TACR1: variants seen among roughly 807,000 people sequenced by gnomAD.
TACR1 encodes the protein tachykinin receptor 1.
A neutral mutation model predicts 35.8 loss-of-function variants in TACR1; 25 were observed. The ratio of observed to expected loss-of-function variants is 0.70; its 90% CI spans 0.51 to 0.98. The LOEUF (loss-of-function observed/expected upper bound fraction) is 0.98. TACR1 is among the 50% of genes least tolerant of loss of function. The pLI, the probability that TACR1 is intolerant of heterozygous loss-of-function variation, is 0.00. For synonymous variants in TACR1, 195 were observed against 206.7 expected, an observed-to-expected ratio of 0.94 and a Z score of 0.48; for missense variants, 478 against 522.9, an observed-to-expected ratio of 0.91 and a Z score of 0.84.
chr2:75,132,546 T>C (rs1014255095), intron 1 of TACR1, among the ~76,000 whole-genome samples: 1 of 152,242 alleles, frequency 6.6e-6, no homozygotes, highest in African/African-American at 2.4e-5. Context: ...ATAATAAACA[T>C]AATTTATATT....
chr2:75,113,532 CTTTT>C (rs11437762), intron 2 of TACR1, among the ~76,000 whole-genome samples: 65 of 92,076 alleles, frequency 7.1e-4, no homozygotes, highest in Admixed American at 3.2e-3. Context: ...TTTCTTCTTC[CTTTT>C]TTTTTTTTTT....
intron 1 of TACR1, chr2:75,188,248 A>G (rs1030064976): frequency 6.6e-6 from 1 of 152,172 alleles, no homozygotes; most frequent in Non-Finnish European, 1.5e-5. Context: ...GAGTCAGACA[A>G]ATTCTTTTAT....
At chr2:75,120,013 C>T (rs1052297657) in intron 2 of TACR1, among the ~76,000 whole-genome samples, 2 of 152,134 alleles carry the variant, frequency 1.3e-5, no homozygotes, top group African/African-American at 2.4e-5. Context: ...GAGACACACT[C>T]CCCTGAGGGG....
intron 2 of TACR1, among the ~76,000 whole-genome samples, chr2:75,079,229 C>G (rs1039778319): frequency 6.6e-6 from 1 of 152,194 alleles, no homozygotes; most frequent in African/African-American, 2.4e-5. Context: ...GCTTTTCACT[C>G]TCTCTTTCAT....
At chr2:75,152,345 C>A (rs1190492545) in intron 1 of TACR1, among the ~76,000 whole-genome samples, 1 of 152,138 alleles carries the variant, frequency 6.6e-6, no homozygotes, top group Non-Finnish European at 1.5e-5. Flanking sequence ...GTAATTGAAT[C>A]ATGGGGGCCA....
chr2:75,154,406 G>GCT (rs1264139655), intron 1 of TACR1: 1 of 78,514 alleles, frequency 1.3e-5, no homozygotes, highest in Non-Finnish European at 2.5e-5. Flanking sequence ...CCAAGAGCGC[G>GCT]CACGCACACA....
At position 75,117,333 on chromosome 2, in the gene TACR1, G is replaced by GGT; in HGVS notation, c.584+3240_584+3241insAC. 1.3e-5 allele frequency among the ~76,000 whole-genome samples: 2 copies of GGT among 152,200 alleles called. 1 individual carries two copies. The highest frequency in any genetic ancestry group is 4.1e-4 in the South Asian group (2 of 4,828). On this transcript the variant is annotated intron_variant, in intron 2 of 4. Coordinates refer to ENST00000305249, the MANE Select transcript of TACR1 (RefSeq NM_001058.4). Reference sequence around the variant, plus strand: ...TTGAAGGTCCACCATACAGCCAGAAGGCAGGTGCAGCAACCTGAGATTTTT... The same window carrying GGT: ...TTGAAGGTCCACCATACAGCCAGAAGGTGCAGGTGCAGCAACCTGAGATTTTT...
At chr2:75,068,346 A>G (rs1403760075) in intron 2 of TACR1, among the ~76,000 whole-genome samples, 2 of 152,146 alleles carry the variant, frequency 1.3e-5, no homozygotes, top group African/African-American at 4.8e-5. Flanking sequence ...CCTTAGTTAA[A>G]GCCAACTCTT....
In TACR1 at chr2:75,198,880, T is replaced by C; in HGVS notation, c.55A>G (p.Thr19Ala). Residue 19 changes from threonine (T) to alanine (A), a missense_variant, in exon 1 of 5, where the codon ACC becomes GCC. Physicochemically the swap from Thr to Ala is moderately conservative, Grantham distance 58. Coordinates refer to ENST00000305249, the MANE Select transcript of TACR1 (RefSeq NM_001058.4). ...SDLSPNISTN[T>A]SEPNQFVQPA... ...TGCACGAACTGATTGGGTTCCGAGG[T>C]GTTAGTGGAGATGTTTGGGGAGAGG... 1 of 1,613,720 alleles carries C rather than the reference T, an allele frequency of 6.2e-7. No individual in the cohort carries two copies. The highest frequency in any genetic ancestry group is 2.2e-5 in the East Asian group (1 of 44,854).
chr2:75,136,625 C>T (rs1189317821), intron 1 of TACR1, among the ~76,000 whole-genome samples: 1 of 152,132 alleles, frequency 6.6e-6, no homozygotes, highest in African/African-American at 2.4e-5. Context: ...TACAGCATCC[C>T]TGAACCAGCA....
chr2:75,164,867 A>G (rs1675101978), intron 1 of TACR1, among the ~76,000 whole-genome samples: 1 of 152,208 alleles, frequency 6.6e-6, no homozygotes, highest in African/African-American at 2.4e-5. Flanking sequence ...TTCCATTAAC[A>G]CTTTATGAAA....
At chr2:75,127,369 T>TATTA (rs1009654187) in intron 1 of TACR1, among the ~76,000 whole-genome samples, 1 of 152,226 alleles carries the variant, frequency 6.6e-6, no homozygotes. Flanking sequence ...TCATTTTTAT[T>TATTA]ATTAATTAAT....
chr2:75,052,857 A>G (rs191452800), intron 3 of TACR1, among the ~76,000 whole-genome samples: 9 of 152,148 alleles, frequency 5.9e-5, no homozygotes, highest in African/African-American at 2.2e-4. Flanking sequence ...AAATTTTTTT[A>G]AATGTTTCGT....
At chr2:75,139,026 A>G (rs987573487) in intron 1 of TACR1, among the ~76,000 whole-genome samples, 1 of 152,254 alleles carries the variant, frequency 6.6e-6, no homozygotes, top group African/African-American at 2.4e-5. Context: ...TAAATTAAAT[A>G]CATAAAGGAT....
intron 1 of TACR1, among the ~76,000 whole-genome samples, chr2:75,127,041 A>G (rs926417860): frequency 2.2e-4 from 34 of 152,320 alleles, no homozygotes; most frequent in African/African-American, 5.8e-4. Context: ...TACTATTGAC[A>G]GAAGTAAATT....
At chr2:75,056,303 T>G (rs1672566670) in intron 2 of TACR1, among the ~76,000 whole-genome samples, 1 of 152,216 alleles carries the variant, frequency 6.6e-6, no homozygotes. Flanking sequence ...GCCTTTCATA[T>G]GCAAACTAAC....
At chr2:75,171,999 G>A (rs146635260) in intron 1 of TACR1, among the ~76,000 whole-genome samples, 62 of 152,276 alleles carry the variant, frequency 4.1e-4, no homozygotes, top group African/African-American at 1.3e-3. Context: ...GGATGTGAGA[G>A]GGACCATGGG....
chr2:75,080,195 CATTTCAAAGGGGTGAATGCTAAACGT>C (rs2103831402), intron 2 of TACR1, among the ~76,000 whole-genome samples: 1 of 152,246 alleles, frequency 6.6e-6, no homozygotes, highest in East Asian at 1.9e-4. Context: ...GTATAATGCA[CATTTCAAAGGGGTGAATGCTAAACGT>C]CCCTTTGAAA....
chr2:75,085,209 A>C (rs1038866045), intron 2 of TACR1, among the ~76,000 whole-genome samples: 4 of 152,028 alleles, frequency 2.6e-5, no homozygotes, highest in African/African-American at 7.2e-5. Flanking sequence ...AGGTCCAAAG[A>C]AGTTTGCCTG....
Sources: gnomAD v4.1 joint callset for allele counts (sites outside exome capture counted in the v4.1 genomes callset) on GRCh38, gnomAD v4.1.1 for gene constraint, MANE v1.5 for transcripts, NCBI Gene and HGNC (gene_info 2026-07-23, HGNC 2026-07-21) for gene names.